The following CTNNA3 variants were observed in gnomAD, a reference collection of about 807,000 sequenced individuals.
The protein encoded by CTNNA3 is catenin alpha-3.
CTNNA3 carries 76 observed loss-of-function variants against 95.7 expected under a neutral mutation model. That is an observed-to-expected ratio of 0.79 (90% CI 0.66 to 0.96). The LOEUF (loss-of-function observed/expected upper bound fraction) is 0.96, where lower values mean the gene tolerates loss of function less well. CTNNA3 is among the 40% of genes least tolerant of loss of function. The pLI, the probability that CTNNA3 is intolerant of heterozygous loss-of-function variation, is 0.00. For missense variants in CTNNA3, 1,191 were observed against 1,089.8 expected, an observed-to-expected ratio of 1.09 and a Z score of -1.31; for synonymous variants, 431 against 374.4, an observed-to-expected ratio of 1.15 and a Z score of -1.74.
At chr10:67,242,180 C>G (rs1429614932) in intron 5 of CTNNA3, among the ~76,000 whole-genome samples, 1 of 152,152 alleles carries the variant, frequency 6.6e-6, no homozygotes, top group Non-Finnish European at 1.5e-5. Flanking sequence ...TAGAACAAGG[C>G]TGATACAAAA....
intron 7 of CTNNA3, among the ~76,000 whole-genome samples, chr10:66,913,238 C>CAAAAAAAAAAA: frequency 3.0e-3 from 101 of 33,508 alleles, no homozygotes; most frequent in Middle Eastern, 0.062. Context: ...GACTCCGTCT[C>CAAAAAAAAAAA]AAAAAAAAAA....
intron 7 of CTNNA3, among the ~76,000 whole-genome samples, chr10:67,037,797 AC>A (rs754184509): frequency 9.8e-5 from 15 of 152,320 alleles, no homozygotes; most frequent in Non-Finnish European, 2.1e-4. Context: ...GATGGTAGTT[AC>A]AGTCAGTGAG....
chr10:67,709,763 G>T (rs1024214250), intron 1 of CTNNA3, among the ~76,000 whole-genome samples: 2 of 151,890 alleles, frequency 1.3e-5, no homozygotes, highest in Non-Finnish European at 2.9e-5. Flanking sequence ...TTTCTTCCTG[G>T]TAATTTTCAG....
intron 7 of CTNNA3, among the ~76,000 whole-genome samples, chr10:67,121,838 T>C (rs181527650): frequency 5.3e-4 from 81 of 152,020 alleles, no homozygotes; most frequent in African/African-American, 1.6e-3. Context: ...CAGAGAACTG[T>C]TGCCAAACAG....
In CTNNA3 at chr10:67,411,090, C is replaced by T. The variant is rs564924247; in HGVS notation, c.579+110752G>A. On this transcript the variant is annotated intron_variant, in intron 5 of 17. Coordinates refer to ENST00000433211, the MANE Select transcript of CTNNA3 (RefSeq NM_013266.4). The stretch of plus-strand genomic sequence containing the variant: ...CCAGAAAAATGCTGGTGAAAGGATA[C>T]AAAATTTCAGTTAGACATGAAGAAT... Among the ~76,000 whole-genome samples, 11 of 152,080 alleles carry T rather than the reference C, an allele frequency of 7.2e-5. No individual in the cohort carries two copies. In the South Asian group the frequency reaches 8.3e-4, roughly 11 times the overall value.
intron 15 of CTNNA3, among the ~76,000 whole-genome samples, chr10:65,998,040 A>G (rs908475208): frequency 2.0e-5 from 3 of 152,190 alleles, no homozygotes; most frequent in Non-Finnish European, 4.4e-5. Flanking sequence ...GAACTATATC[A>G]TAATAGTTGA....
intron 7 of CTNNA3, among the ~76,000 whole-genome samples, chr10:66,830,209 G>T (rs1842666766): frequency 6.6e-6 from 1 of 152,246 alleles, no homozygotes; most frequent in African/African-American, 2.4e-5. Context: ...AAAACAGCCT[G>T]ATTTCTAATA....
intron 9 of CTNNA3, among the ~76,000 whole-genome samples, chr10:66,732,780 TAAAC>T (rs1222940734): frequency 6.6e-6 from 1 of 151,892 alleles, no homozygotes; most frequent in Non-Finnish European, 1.5e-5. Flanking sequence ...CATTATCCCC[TAAAC>T]AAAGTCATAC....
At chr10:66,444,722 A>G (rs945641866) in intron 11 of CTNNA3, among the ~76,000 whole-genome samples, 2 of 152,192 alleles carry the variant, frequency 1.3e-5, no homozygotes, top group East Asian at 1.9e-4. Context: ...GCAAAAACAT[A>G]CCAAAATGTA....
At chr10:66,095,102 T>C (rs988410548) in intron 14 of CTNNA3, among the ~76,000 whole-genome samples, 1 of 152,098 alleles carries the variant, frequency 6.6e-6, no homozygotes, top group South Asian at 2.1e-4. Context: ...TCCCAATATA[T>C]GTAGTCAGAG....
chr10:67,387,409 C>T (rs974951503), intron 5 of CTNNA3, among the ~76,000 whole-genome samples: 9 of 152,178 alleles, frequency 5.9e-5, no homozygotes, highest in African/African-American at 1.2e-4. Context: ...GAGGGTCCTA[C>T]GCCCCACGGA....
chr10:66,892,532 T>TATTTGAAAGA (rs141470799), intron 7 of CTNNA3, among the ~76,000 whole-genome samples: 1 of 151,524 alleles, frequency 6.6e-6, no homozygotes, highest in Non-Finnish European at 1.5e-5. Flanking sequence ...GGGGGCTTCC[T>TATTTGAAAGA]ATTTGAAATA....
At chr10:66,950,713 C>A (rs1344378606) in intron 7 of CTNNA3, among the ~76,000 whole-genome samples, 3 of 152,064 alleles carry the variant, frequency 2.0e-5, no homozygotes, top group Non-Finnish European at 4.4e-5. Flanking sequence ...TTATAAGCAA[C>A]CTTTGTAGCT....
upstream of CTNNA3, among the ~76,000 whole-genome samples, chr10:67,696,713 C>CA (rs80303065): frequency 1.2e-4 from 18 of 148,260 alleles, no homozygotes; most frequent in African/African-American, 3.4e-4. Flanking sequence ...TTTAAGCCAC[C>CA]AAAAAAAAAA....
In CTNNA3 at chr10:66,127,598, G is replaced by A. The variant is rs542312752; in HGVS notation, c.1885-24349C>T. Among the ~76,000 whole-genome samples, 14 of 152,086 alleles carry A rather than the reference G, an allele frequency of 9.2e-5. No individual in the cohort carries two copies. In the East Asian group the frequency reaches 1.7e-3, roughly 19 times the overall value. ...GACTAAGGAGGCATGACTATTAAAC[G>A]CAATGTAATATCCTAGATAGAGGGC... On this transcript the variant is annotated intron_variant, in intron 13 of 17. Coordinates refer to ENST00000433211, the MANE Select transcript of CTNNA3 (RefSeq NM_013266.4).
intron 12 of CTNNA3, among the ~76,000 whole-genome samples, chr10:66,314,868 C>A (rs2092076676): frequency 6.6e-6 from 1 of 151,972 alleles, no homozygotes; most frequent in Non-Finnish European, 1.5e-5. Flanking sequence ...AAAATCATAT[C>A]ATAATTAAGC....
chr10:67,354,343 C>T (rs1163867410), intron 5 of CTNNA3, among the ~76,000 whole-genome samples: 1 of 152,006 alleles, frequency 6.6e-6, no homozygotes, highest in Non-Finnish European at 1.5e-5. Context: ...TTTTTAACAT[C>T]CTTTGTCTGA....
At chr10:67,172,514 A>G (rs1862062460) in intron 7 of CTNNA3, among the ~76,000 whole-genome samples, 1 of 152,134 alleles carries the variant, frequency 6.6e-6, no homozygotes, top group Non-Finnish European at 1.5e-5. Flanking sequence ...TCTTGTGTTT[A>G]TTATATATAT....
At chr10:67,641,499 A>G (rs1839532013) in intron 2 of CTNNA3, among the ~76,000 whole-genome samples, 2 of 152,192 alleles carry the variant, frequency 1.3e-5, no homozygotes, top group African/African-American at 4.8e-5. Flanking sequence ...CAGCCATCCC[A>G]TTACTGGGTA....
Sources: gnomAD v4.1 joint callset for allele counts (sites outside exome capture counted in the v4.1 genomes callset) on GRCh38, gnomAD v4.1.1 for gene constraint, MANE v1.5 for transcripts, NCBI Gene and HGNC (gene_info 2026-07-23, HGNC 2026-07-21) for gene names.